METTL4: variants seen among roughly 807,000 people sequenced by gnomAD.
The protein encoded by METTL4 is N(6)-adenine-specific methyltransferase METTL4.
A neutral mutation model predicts 54.0 loss-of-function variants in METTL4; 40 were observed. That is an observed-to-expected ratio of 0.74 (90% CI 0.58 to 0.96). The LOEUF (loss-of-function observed/expected upper bound fraction) is 0.96. Ranked by LOEUF, METTL4 falls within the 50% of genes least tolerant of loss-of-function variation. The probability of loss-of-function intolerance (pLI) is 0.00; values close to 1 mark genes in which losing one functional copy is unlikely to be tolerated. For missense variants in METTL4, 525 were observed against 549.0 expected (o/e 0.96, Z 0.44); for synonymous variants, 169 against 183.8 (o/e 0.92, Z 0.65).
rs757704858 is a variant in METTL4, at chr18:2,563,862, A to G, written c.397-3T>C. ...AAAACAACACATCTTTTACGCTTCT[A>G]AAGGGTAGATCAATTACAGGGGAAA... On this transcript the variant is annotated splice_polypyrimidine_tract_variant and splice_region_variant and intron_variant, in intron 2 of 8. Coordinates refer to ENST00000574538, the MANE Select transcript of METTL4 (RefSeq NM_022840.5). The G allele has an allele frequency of 2.5e-6, 4 of 1,605,396 alleles. No homozygotes were observed. Among genetic ancestry groups the G allele is most frequent in the African/African-American group, 1.3e-5 (1 of 74,684 alleles).
intron 8 of METTL4, among the ~76,000 whole-genome samples, chr18:2,542,145 A>G (rs1253400453): frequency 1.3e-5 from 2 of 152,140 alleles, no homozygotes; most frequent in Non-Finnish European, 2.9e-5. Context: ...TCTACTGGGA[A>G]TGAGGAAGAA....
Position 2,544,241 on chromosome 18 carries a change from A to T in METTL4, c.1227T>A (p.Ile409=). ...AGTGAAGAGTACAGGGCACGCTGAC[A>T]ATTAATTTGTGGTCTGGAATGGGGA... ...NVLPIPDHKL[I]VSVPCTLHSH... is the part of the protein sequence containing the mutation. The change falls in exon 8 of 9, where the codon ATT becomes ATA. Residue 409 remains isoleucine, a synonymous_variant. Transcript: ENST00000574538. 1 of 1,613,676 alleles carries T rather than the reference A, an allele frequency of 6.2e-7. No homozygotes were observed. The highest frequency in any genetic ancestry group is 8.5e-7 in the Non-Finnish European group (1 of 1,179,818).
chr18:2,541,844 G>A (rs940558675), intron 8 of METTL4, among the ~76,000 whole-genome samples: 4 of 151,984 alleles, frequency 2.6e-5, no homozygotes, highest in Non-Finnish European at 4.4e-5. Context: ...TGTAAAAGCT[G>A]TAAGCATTAT....
chr18:2,541,813 AAC>A (rs2071996588), intron 8 of METTL4, among the ~76,000 whole-genome samples: 1 of 152,216 alleles, frequency 6.6e-6, no homozygotes, highest in Admixed American at 6.5e-5. Context: ...ATTTGCATAA[AAC>A]AGTTTAAGAA....
rs755183223 is a variant in METTL4 at position 2,554,937 on chromosome 18, C to T, written c.561G>A (p.Lys187=). The T allele has an allele frequency of 6.2e-7, 1 of 1,614,060 alleles. No homozygotes were observed. ...PLFEKQDKGS[K]PITLPLDACS... ...AGGCGTCAAGTGGTAAAGTAATGGG[C>T]TTACTACCCTTGTCCTGTTTTTCAA... is the stretch of plus-strand genomic sequence containing the variant. The change falls in exon 4 of 9, where the codon AAG becomes AAA. Residue 187 remains lysine, a synonymous_variant. Coordinates refer to ENST00000574538, the MANE Select transcript of METTL4 (RefSeq NM_022840.5).
At chr18:2,556,874 G>C in intron 3 of METTL4, among the ~76,000 whole-genome samples, 1 of 152,040 alleles carries the variant, frequency 6.6e-6, no homozygotes, top group East Asian at 1.9e-4. Context: ...GGAGGAATCC[G>C]CACTATGTAA....
At chr18:2,547,009 T>C (rs1018806919) in intron 6 of METTL4, among the ~76,000 whole-genome samples, 1 of 152,164 alleles carries the variant, frequency 6.6e-6, no homozygotes, top group Non-Finnish European at 1.5e-5. Flanking sequence ...GGGAAGAAGA[T>C]GAAGAGTAAG....
In METTL4 at chr18:2,566,583, T is replaced by A. The variant is rs555987228; in HGVS notation, c.396+238A>T. The A allele has an allele frequency of 3.3e-5, 8 of 239,944 alleles. No individual in the cohort carries two copies. In the East Asian group the frequency reaches 6.4e-4, roughly 19 times the overall value. The allele number at this position is 239,944 out of a possible 1,614,324, so 14.9% of individuals were successfully genotyped here. A position where few individuals can be genotyped will look rare whatever the true frequency, so the allele number is the denominator to read the frequency against. ...CTGGGTTTATTTTCTTTGCTTAATT[T>A]ACAGAGAATTCACTTCCCAGCCAAC... On this transcript the variant is annotated intron_variant, in intron 2 of 8. Coordinates refer to ENST00000574538, the MANE Select transcript of METTL4 (RefSeq NM_022840.5).
At chr18:2,542,825 T>C (rs1444355698) in intron 8 of METTL4, among the ~76,000 whole-genome samples, 1 of 152,058 alleles carries the variant, frequency 6.6e-6, no homozygotes, top group African/African-American at 2.4e-5. Context: ...AATGAAGTAA[T>C]ACTATAAACA....
intron 3 of METTL4, 40 bp downstream of exon 3, chr18:2,563,757 A>T: frequency 6.9e-7 from 1 of 1,442,902 alleles, no homozygotes; most frequent in Non-Finnish European, 9.5e-7. Context: ...ACTACTTCAC[A>T]TTAATCTTCC....
In METTL4 at chr18:2,554,894, A is replaced by G. The variant is rs2072215342; in HGVS notation, c.604T>C (p.Cys202Arg). The G allele has an allele frequency of 1.9e-6, 3 of 1,614,110 alleles. No homozygotes were observed. Among genetic ancestry groups the G allele is most frequent in the East Asian group, 4.5e-5 (2 of 44,868 alleles). The change falls in exon 4 of 9, where the codon TGT (cysteine) becomes CGT (arginine). Residue 202 changes from cysteine (C) to arginine (R), a missense_variant. Physicochemically the swap from Cys to Arg is radical, Grantham distance 180 (BLOSUM62 -3). Transcript: ENST00000574538. ...PLDACSLSEL[C>R]EMAKHLPSLN... ...GAAGGCAAATGCTTTGCCATTTCAC[A>G]TAATTCTGACAAACTGCAGGCGTCA...
At chr18:2,559,312 A>G (rs1178721661) in intron 3 of METTL4, among the ~76,000 whole-genome samples, 1 of 152,256 alleles carries the variant, frequency 6.6e-6, no homozygotes, top group Non-Finnish European at 1.5e-5. Flanking sequence ...TATATGCTAC[A>G]TGGATGAACC....
chr18:2,555,103 TGAATATCTGAG>T, intron 3 of METTL4, 65 bp from the exon 4 acceptor site: 1 of 1,467,332 alleles, frequency 6.8e-7, no homozygotes, highest in Non-Finnish European at 9.3e-7. Context: ...GACTGTGCTT[TGAATATCTGAG>T]TTTATAAACT....
rs2072430628 is a variant in METTL4 at position 2,567,052 on chromosome 18, G to A, written c.165C>T (p.Ser55=). Residue 55 remains serine, a synonymous_variant, in exon 2 of 9, where the codon TCC becomes TCT. Transcript: ENST00000574538. ...CAATAAATGCAGCACAGACTCCAGA[G>A]GAGGACACAGAATCCATTTGAAGAG... ...FESLQMDSVS[S]SGVCAAFIAS... The A allele has an allele frequency of 6.2e-7, 1 of 1,614,170 alleles. No homozygotes were observed. The highest frequency in any genetic ancestry group is 1.1e-5 in the South Asian group (1 of 91,080).
Position 2,538,190 on chromosome 18 carries a change from C to T in METTL4, c.*810G>A, listed in dbSNP as rs570854916. Reference sequence around the variant, plus strand: ...GAAAATCTATAAATAATATTTTTTTCACAATCACACTGTTTACTTGCTGCC... The same window carrying T: ...GAAAATCTATAAATAATATTTTTTTTACAATCACACTGTTTACTTGCTGCC... On this transcript the variant is annotated 3_prime_UTR_variant, in exon 9 of 9. Coordinates refer to ENST00000574538, the MANE Select transcript of METTL4 (RefSeq NM_022840.5). 2.9e-6 allele frequency: 1 copy of T among 340,712 alleles called. No individual in the cohort carries two copies. The highest frequency in any genetic ancestry group is 2.1e-5 in the African/African-American group (1 of 47,504). The allele number at this position is 340,712 out of a possible 1,614,324, so 21.1% of individuals were successfully genotyped here.
chr18:2,539,499 G>T (rs11659748), intron 8 of METTL4, among the ~76,000 whole-genome samples: 48,471 of 127,238 alleles, frequency 0.38, 9,367 homozygotes, highest in East Asian at 0.66. Flanking sequence ...TTTTTTTTTT[G>T]AGACAAGAGT....
intron 5 of METTL4, among the ~76,000 whole-genome samples, chr18:2,550,475 T>C (rs1412426160): frequency 1.3e-5 from 2 of 152,184 alleles, no homozygotes; most frequent in East Asian, 3.9e-4. Context: ...TAGAATTACA[T>C]GGTGTAGTAA....
chr18:2,550,255 T>A (rs368818912), intron 5 of METTL4, among the ~76,000 whole-genome samples: 1 of 152,124 alleles, frequency 6.6e-6, no homozygotes, highest in Non-Finnish European at 1.5e-5. Flanking sequence ...AGAGGAAATA[T>A]TCATATCTCC....
chr18:2,570,727 CT>C (rs1367174149), intron 1 of METTL4, among the ~76,000 whole-genome samples: 1 of 152,112 alleles, frequency 6.6e-6, no homozygotes, highest in Non-Finnish European at 1.5e-5. Flanking sequence ...AAAATTGAAA[CT>C]CAGAGCAGAA....
Sources: gnomAD v4.1 joint callset for allele counts (sites outside exome capture counted in the v4.1 genomes callset) on GRCh38, gnomAD v4.1.1 for gene constraint, MANE v1.5 for transcripts, NCBI Gene and HGNC (gene_info 2026-07-23, HGNC 2026-07-21) for gene names.